The following TMEM50A variants were observed in gnomAD, a reference collection of about 807,000 sequenced individuals.
TMEM50A encodes the protein cervical cancer oncogene 9.
A neutral mutation model predicts 23.9 loss-of-function variants in TMEM50A; 8 were observed. The ratio of observed to expected loss-of-function variants is 0.33; its 90% CI spans 0.20 to 0.60. TMEM50A has a LOEUF of 0.60. Ranked by LOEUF, TMEM50A falls within the 20% of genes least tolerant of loss-of-function variation. The pLI, the probability that TMEM50A is intolerant of heterozygous loss-of-function variation, is 0.81. For synonymous variants in TMEM50A, 55 were observed against 60.4 expected, an observed-to-expected ratio of 0.91 and a Z score of 0.41; for missense variants, 178 against 192.7, an observed-to-expected ratio of 0.92 and a Z score of 0.45.
chr1:25,360,457 T>C (rs910205181), intron 6 of TMEM50A, among the ~76,000 whole-genome samples: 1 of 152,204 alleles, frequency 6.6e-6, no homozygotes, highest in Non-Finnish European at 1.5e-5. Flanking sequence ...GTTGGGAATA[T>C]GGTGGTTAAT....
intron 3 of TMEM50A, among the ~76,000 whole-genome samples, chr1:25,344,577 A>G (rs1645194759): frequency 6.6e-6 from 1 of 151,652 alleles, no homozygotes; most frequent in Non-Finnish European, 1.5e-5. Context: ...ACGAGGTCTC[A>G]CCTTGTTTGC....
At chr1:25,341,607 G>A (rs950451366) in intron 2 of TMEM50A, among the ~76,000 whole-genome samples, 8 of 152,054 alleles carry the variant, frequency 5.3e-5, no homozygotes, top group East Asian at 1.9e-4. Flanking sequence ...TTGAACTCCC[G>A]ACCTCAGATG....
At chr1:25,354,657 A>G (rs763257811) in intron 5 of TMEM50A, among the ~76,000 whole-genome samples, 1 of 151,660 alleles carries the variant, frequency 6.6e-6, no homozygotes, top group African/African-American at 2.4e-5. Flanking sequence ...AGTAATAATA[A>G]TTTCACCACT....
Position 25,360,979 on chromosome 1 carries a change from G to A in TMEM50A, c.*274G>A. On this transcript the variant is annotated 3_prime_UTR_variant, in exon 7 of 7. Coordinates refer to ENST00000374358, the MANE Select transcript of TMEM50A (RefSeq NM_014313.4). ...ATGGTATAATTTGTAAAAATAAAAAGAAATTACAAAAGAAATTATGGATTT... is the reference window on the plus strand; with the variant it reads ...ATGGTATAATTTGTAAAAATAAAAAAAAATTACAAAAGAAATTATGGATTT... 1 of 338,130 alleles carries A rather than the reference G, an allele frequency of 3.0e-6. No homozygotes were observed. The highest frequency in any genetic ancestry group is 5.8e-5 in the South Asian group (1 of 17,248). 20.9% of individuals were successfully genotyped at this position (338,130 alleles called of 1,614,324 possible). A position where few individuals can be genotyped will look rare whatever the true frequency, so the allele number is the denominator to read the frequency against.
At chr1:25,352,445 G>A (rs1645283590) in intron 4 of TMEM50A, among the ~76,000 whole-genome samples, 2 of 148,208 alleles carry the variant, frequency 1.3e-5, no homozygotes, top group Admixed American at 6.8e-5. Flanking sequence ...GCAGTGAGCC[G>A]AGATTGCGCC....
intron 3 of TMEM50A, among the ~76,000 whole-genome samples, chr1:25,351,164 C>CAA (rs1179135841): frequency 1.1e-4 from 7 of 61,206 alleles, no homozygotes; most frequent in African/African-American, 2.3e-4. Context: ...GACTCCGTCT[C>CAA]AAAAAAAAAA....
At chr1:25,343,337 C>T (rs933370702) in intron 3 of TMEM50A, among the ~76,000 whole-genome samples, 2 of 151,940 alleles carry the variant, frequency 1.3e-5, no homozygotes, top group African/African-American at 4.8e-5. Context: ...TATTTAAGTC[C>T]GAAACTGTGT....
intron 5 of TMEM50A, among the ~76,000 whole-genome samples, chr1:25,356,293 C>G (rs1390421692): frequency 6.6e-6 from 1 of 152,172 alleles, no homozygotes; most frequent in East Asian, 1.9e-4. Context: ...CCCTGCTCTT[C>G]CCTCTTGTGC....
intron 5 of TMEM50A, among the ~76,000 whole-genome samples, chr1:25,354,068 T>C (rs911143057): frequency 6.6e-6 from 1 of 152,140 alleles, no homozygotes; most frequent in Admixed American, 6.6e-5. Flanking sequence ...CTCAGCTTAC[T>C]GCAACCTCCA....
At chr1:25,343,143 C>T (rs1645182113) in intron 3 of TMEM50A, 70 bp downstream of exon 3, 1 of 1,216,508 alleles carries the variant, frequency 8.2e-7, no homozygotes, top group Non-Finnish European at 1.2e-6. Flanking sequence ...AATATAGTTG[C>T]ATAGATTTAA....
At chr1:25,345,942 C>A (rs1413222885) in intron 3 of TMEM50A, among the ~76,000 whole-genome samples, 1 of 151,754 alleles carries the variant, frequency 6.6e-6, no homozygotes, top group Non-Finnish European at 1.5e-5. Context: ...GCACACACCA[C>A]CATGCCTGGC....
intron 6 of TMEM50A, among the ~76,000 whole-genome samples, chr1:25,358,913 CCTGA>C (rs1645364524): frequency 1.3e-5 from 2 of 152,186 alleles, no homozygotes; most frequent in Non-Finnish European, 2.9e-5. Flanking sequence ...TGCCACCATG[CCTGA>C]CTAATTTTTG....
At chr1:25,340,886 G>A (rs746285834) in intron 2 of TMEM50A, among the ~76,000 whole-genome samples, 11 of 152,058 alleles carry the variant, frequency 7.2e-5, no homozygotes, top group East Asian at 1.9e-4. Flanking sequence ...TGTTTAAGAC[G>A]CAGTCAGGTC....
chr1:25,361,274 T>C lies in TMEM50A; in HGVS notation c.*569T>C, dbSNP rs1209743465. 6.5e-6 allele frequency: 1 copy of C among 152,940 alleles called. No individual in the cohort carries two copies. The highest frequency in any genetic ancestry group is 1.5e-5 in the Non-Finnish European group (1 of 68,564). The allele number at this position is 152,940 out of a possible 1,614,324, so 9.5% of individuals were successfully genotyped here. A position where few individuals can be genotyped will look rare whatever the true frequency, so the allele number is the denominator to read the frequency against. ...GACGTGTTGGAAGAGAGAAGCACCATGGTCCAGCCACCAGGCTCCCTGTGT... is the reference window on the plus strand; with the variant it reads ...GACGTGTTGGAAGAGAGAAGCACCACGGTCCAGCCACCAGGCTCCCTGTGT... On this transcript the variant is annotated 3_prime_UTR_variant, in exon 7 of 7. Transcript: ENST00000374358.
intron 5 of TMEM50A, 40 bp from the exon 6 acceptor site, chr1:25,356,753 T>G: frequency 5.6e-6 from 8 of 1,417,640 alleles, no homozygotes; most frequent in African/African-American, 1.5e-5. Context: ...CTAAATGTTT[T>G]GAGATCATAA....
intron 6 of TMEM50A, among the ~76,000 whole-genome samples, chr1:25,360,165 T>C (rs1340840843): frequency 2.0e-5 from 3 of 152,058 alleles, no homozygotes; most frequent in Non-Finnish European, 4.4e-5. Flanking sequence ...TTGGCTACCA[T>C]GGTGAAACCC....
At chr1:25,350,983 A>AAC (rs1238785441) in intron 3 of TMEM50A, among the ~76,000 whole-genome samples, 5 of 151,272 alleles carry the variant, frequency 3.3e-5, no homozygotes, top group Non-Finnish European at 5.9e-5. Flanking sequence ...AACACGGTGA[A>AAC]ACCCCATCTC....
chr1:25,357,248 T>G (rs1363222710), intron 6 of TMEM50A, among the ~76,000 whole-genome samples: 1 of 152,238 alleles, frequency 6.6e-6, no homozygotes, highest in Non-Finnish European at 1.5e-5. Flanking sequence ...GTCCTTGATA[T>G]CGTAGAGTTT....
Position 25,354,173 on chromosome 1 carries a change from A to G in TMEM50A, c.367+1199A>G, listed in dbSNP as rs187806507. Among the ~76,000 whole-genome samples, 345 of 152,022 alleles carry G rather than the reference A, an allele frequency of 2.3e-3. 2 individuals carry two copies. Among genetic ancestry groups the G allele is most frequent in the African/African-American group, 8.1e-3 (334 of 41,470 alleles). On this transcript the variant is annotated intron_variant, in intron 5 of 6. Transcript: ENST00000374358. ...GCCCTGCTAGTTTTGTATTTTTTGT[A>G]GAGATGGGGCTTCACCATGTTGCCC...
Sources: gnomAD v4.1 joint callset for allele counts (sites outside exome capture counted in the v4.1 genomes callset) on GRCh38, gnomAD v4.1.1 for gene constraint, MANE v1.5 for transcripts, NCBI Gene and HGNC (gene_info 2026-07-23, HGNC 2026-07-21) for gene names.